The following SLC26A5 variants were observed in gnomAD, a reference collection of about 807,000 sequenced individuals.
SLC26A5 encodes solute carrier family 26 member 5.
A neutral mutation model predicts 81.0 loss-of-function variants in SLC26A5; 51 were observed. That is an observed-to-expected ratio of 0.63 (90% CI 0.50 to 0.80). SLC26A5 has a LOEUF of 0.80. Among genes scored for constraint, SLC26A5 ranks in the 30% least tolerant of loss-of-function variants. SLC26A5 has a pLI of 0.00. For missense variants in SLC26A5, 771 were observed against 905.8 expected (o/e 0.85, Z 1.91); for synonymous variants, 325 against 332.8 (o/e 0.98, Z 0.25).
chr7:103,421,014 A>G, intron 3 of SLC26A5, 137 bp from the exon 4 acceptor site: 1 of 939,244 alleles, frequency 1.1e-6, no homozygotes, highest in Non-Finnish European at 1.7e-6. Flanking sequence ...AGATGTTGCC[A>G]AACAGGGTAG....
At chr7:103,417,453 CT>C (rs1475352224) in intron 4 of SLC26A5, among the ~76,000 whole-genome samples, 1 of 151,176 alleles carries the variant, frequency 6.6e-6, no homozygotes, top group Non-Finnish European at 1.5e-5. Flanking sequence ...TTTCCAGATA[CT>C]TTTCTATCTC....
At chr7:103,388,890 G>A (rs758035757) in intron 14 of SLC26A5, 118 bp downstream of exon 14, 6 of 733,106 alleles carry the variant, frequency 8.2e-6, no homozygotes, top group Middle Eastern at 6.7e-4. Flanking sequence ...TCCCTCTCAC[G>A]CTAACTAGAA....
intron 7 of SLC26A5, among the ~76,000 whole-genome samples, chr7:103,408,447 G>A (rs187468249): frequency 1.0e-3 from 157 of 152,152 alleles, no homozygotes; most frequent in African/African-American, 3.4e-3. Context: ...GGCTGGTCTC[G>A]AACTCCTGAC....
At chr7:103,404,694 G>A (rs902782453) in intron 8 of SLC26A5, among the ~76,000 whole-genome samples, 2 of 152,102 alleles carry the variant, frequency 1.3e-5, no homozygotes, top group Admixed American at 6.6e-5. Flanking sequence ...TCTTTGTGGT[G>A]TTCTCTGTAT....
intron 19 of SLC26A5, among the ~76,000 whole-genome samples, chr7:103,358,238 T>C (rs528826269): frequency 3.3e-5 from 5 of 152,312 alleles, no homozygotes; most frequent in Non-Finnish European, 4.4e-5. Context: ...CTCAGTCCTG[T>C]ATATGTGGCC....
At chr7:103,382,889 A>G (rs972467242) in intron 14 of SLC26A5, among the ~76,000 whole-genome samples, 1 of 152,220 alleles carries the variant, frequency 6.6e-6, no homozygotes, top group Non-Finnish European at 1.5e-5. Flanking sequence ...CAGAGGCAGA[A>G]TATGGCTCAA....
intron 19 of SLC26A5, among the ~76,000 whole-genome samples, chr7:103,360,627 T>C (rs1820328697): frequency 6.6e-6 from 1 of 152,210 alleles, no homozygotes; most frequent in South Asian, 2.1e-4. Context: ...ATTTTTGTAT[T>C]TCTCTGTAAT....
At chr7:103,381,333 T>C (rs1456555776) in intron 14 of SLC26A5, among the ~76,000 whole-genome samples, 2 of 147,692 alleles carry the variant, frequency 1.4e-5, no homozygotes, top group African/African-American at 2.5e-5. Context: ...CACACACACA[T>C]ATAAACACAA....
At chr7:103,444,028 G>A (rs1432717404) in intron 1 of SLC26A5, among the ~76,000 whole-genome samples, 1 of 152,170 alleles carries the variant, frequency 6.6e-6, no homozygotes, top group Non-Finnish European at 1.5e-5. Context: ...TGAAGGTGGG[G>A]AGAAGATAAT....
rs1827301053 is a variant in SLC26A5, at chr7:103,446,156, G to C, written c.-241C>G. 1 of 151,186 alleles carries C rather than the reference G, an allele frequency of 6.6e-6. No homozygotes were observed. Among genetic ancestry groups the C allele is most frequent in the South Asian group, 2.1e-4 (1 of 4,844 alleles). The allele number at this position is 151,186 out of a possible 1,614,324, so 9.4% of individuals were successfully genotyped here. ...CGCGCTCCACAGCCGCTGCCTCTTC[G>C]ACGCGCGCGCTGCCTCCAGGTGCGG... is the stretch of plus-strand genomic sequence containing the variant. On this transcript the variant is annotated 5_prime_UTR_variant, in exon 1 of 20. Coordinates refer to ENST00000306312, the MANE Select transcript of SLC26A5 (RefSeq NM_198999.3).
chr7:103,403,778 T>C (rs1823800642), intron 8 of SLC26A5, among the ~76,000 whole-genome samples: 1 of 152,032 alleles, frequency 6.6e-6, no homozygotes, highest in African/African-American at 2.4e-5. Context: ...TCTTTGTATA[T>C]GAGATGAGTC....
At chr7:103,424,903 C>T (rs191479970) in intron 2 of SLC26A5, among the ~76,000 whole-genome samples, 1 of 152,290 alleles carries the variant, frequency 6.6e-6, no homozygotes, top group Admixed American at 6.5e-5. Flanking sequence ...TGGGTGAGGC[C>T]TAAACAATGG....
chr7:103,433,136 T>C (rs1419886215), intron 2 of SLC26A5, among the ~76,000 whole-genome samples: 1 of 152,156 alleles, frequency 6.6e-6, no homozygotes, highest in Non-Finnish European at 1.5e-5. Context: ...AGTGTTTCAA[T>C]TCCATGGTCC....
chr7:103,374,145 C>A, downstream of SLC26A5: 1 of 1,231,064 alleles, frequency 8.1e-7, no homozygotes, highest in African/African-American at 1.5e-5. Flanking sequence ...GCTTAGCTTA[C>A]AAAGATAATA....
At chr7:103,363,414 A>T (rs1820524644) in intron 19 of SLC26A5, 2 of 1,612,966 alleles carry the variant, frequency 1.2e-6, no homozygotes, top group Non-Finnish European at 1.7e-6. Context: ...AAACTGCGAG[A>T]AGTAGTTGAA....
rs181580007 is a variant in SLC26A5, at chr7:103,367,093, A to G, written c.2041+9715T>C. On this transcript the variant is annotated intron_variant, in intron 19 of 19. Transcript: ENST00000339444. The surrounding 1 kb of genome is among the most constrained non-coding windows in gnomAD (Gnocchi z 6.1). ...GTTTGCTCATCTTATAAAGGGAATAATTGTTGTCTTGTGTACTTCATGAGT... is the reference window on the plus strand; with the variant it reads ...GTTTGCTCATCTTATAAAGGGAATAGTTGTTGTCTTGTGTACTTCATGAGT... 1.3e-5 allele frequency among the ~76,000 whole-genome samples: 2 copies of G among 152,310 alleles called. No homozygotes were observed. Among genetic ancestry groups the G allele is most frequent in the Admixed American group, 6.5e-5 (1 of 15,298 alleles).
intron 9 of SLC26A5, among the ~76,000 whole-genome samples, chr7:103,395,523 ATTT>A (rs377224135): frequency 4.7e-5 from 1 of 21,272 alleles, no homozygotes; most frequent in Non-Finnish European, 1.0e-4. Context: ...ATATATATAA[ATTT>A]TTTTTTTTTT....
Position 103,400,451 on chromosome 7 carries a change from T to C in SLC26A5, c.889-2437A>G, listed in dbSNP as rs1401649404. Reference sequence around the variant, plus strand: ...CTTGTAAATTTGTTTAAGTTCCTTGTAGATTCTGGATATTAGCCCTTTGTC... The same window carrying C: ...CTTGTAAATTTGTTTAAGTTCCTTGCAGATTCTGGATATTAGCCCTTTGTC... On this transcript the variant is annotated intron_variant, in intron 8 of 19. Transcript: ENST00000306312. Among the ~76,000 whole-genome samples, 4 of 152,240 alleles carry C rather than the reference T, an allele frequency of 2.6e-5. No homozygotes were observed. In the South Asian group the frequency reaches 6.2e-4, roughly 24 times the overall value.
At chr7:103,357,227 G>C (rs1377761756) in intron 19 of SLC26A5, among the ~76,000 whole-genome samples, 1 of 151,714 alleles carries the variant, frequency 6.6e-6, no homozygotes, top group Non-Finnish European at 1.5e-5. Context: ...TGGAGAGGCT[G>C]AGGCAGGAGA....
Sources: allele counts gnomAD v4.1 joint callset (sites outside exome capture counted in the v4.1 genomes callset), GRCh38; gene constraint gnomAD v4.1.1; non-coding constraint Gnocchi (gnomAD v3.1); transcripts MANE v1.5; gene names NCBI Gene and HGNC (gene_info 2026-07-23, HGNC 2026-07-21).